The following AGBL4 variants were observed in gnomAD, a reference collection of about 807,000 sequenced individuals.
AGBL4 encodes cytosolic carboxypeptidase 6.
AGBL4 carries 58 observed loss-of-function variants against 66.4 expected under a neutral mutation model. The ratio of observed to expected loss-of-function variants is 0.87; its 90% confidence interval spans 0.71 to 1.09. The LOEUF is 1.09. Among genes scored for constraint, AGBL4 ranks in the 50% least tolerant of loss-of-function variants. The probability of loss-of-function intolerance (pLI) is 0.00; values close to 1 mark genes in which losing one functional copy is unlikely to be tolerated. For missense variants in AGBL4, 579 were observed against 631.0 expected, an observed-to-expected ratio of 0.92 and a Z score of 0.88; for synonymous variants, 234 against 222.9, an observed-to-expected ratio of 1.05 and a Z score of -0.44.
At chr1:49,775,692 A>G (rs1325943929) in intron 2 of AGBL4, among the ~76,000 whole-genome samples, 2 of 152,110 alleles carry the variant, frequency 1.3e-5, no homozygotes, top group African/African-American at 4.8e-5. Context: ...ATTCATCAAT[A>G]TATTATAGAC....
intron 1 of AGBL4, among the ~76,000 whole-genome samples, chr1:49,940,009 AAAAC>A (rs1475465072): frequency 9.2e-5 from 14 of 152,186 alleles, no homozygotes; most frequent in Non-Finnish European, 1.8e-4. Flanking sequence ...TTACAAGAAA[AAAAC>A]AAACAACCCC....
intron 3 of AGBL4, among the ~76,000 whole-genome samples, chr1:49,298,046 T>C (rs934097822): frequency 1.3e-5 from 2 of 152,178 alleles, no homozygotes. Context: ...CCTGGCATCC[T>C]GAGCCAGCCT....
At chr1:49,303,521 G>A (rs1644794102) in intron 3 of AGBL4, among the ~76,000 whole-genome samples, 2 of 151,464 alleles carry the variant, frequency 1.3e-5, no homozygotes. Flanking sequence ...GGTGTTATCT[G>A]TGCTCACTGC....
At chr1:48,717,203 CT>C (rs1647066122) in intron 6 of AGBL4, among the ~76,000 whole-genome samples, 1 of 152,156 alleles carries the variant, frequency 6.6e-6, no homozygotes, top group Admixed American at 6.5e-5. Context: ...GTCTTAAACA[CT>C]TAAAACATTA....
chr1:49,784,852 C>T (rs113623182), intron 2 of AGBL4, among the ~76,000 whole-genome samples: 243 of 151,942 alleles, frequency 1.6e-3, no homozygotes, highest in Non-Finnish European at 2.7e-3. Context: ...ATATTCAACA[C>T]AATTAGTGAT....
chr1:48,585,386 G>A (rs1021431698), intron 11 of AGBL4: 2 of 152,202 alleles, frequency 1.3e-5, no homozygotes, highest in Admixed American at 1.3e-4. Flanking sequence ...ATAATATTAT[G>A]GGAGAGCAAA....
At chr1:48,597,062 T>A (rs964662122) in intron 9 of AGBL4, among the ~76,000 whole-genome samples, 1 of 152,144 alleles carries the variant, frequency 6.6e-6, no homozygotes, top group Non-Finnish European at 1.5e-5. Flanking sequence ...AGAATGCTTA[T>A]CCTCTTCCTT....
At chr1:49,856,172 C>T (rs1311789962) in intron 1 of AGBL4, among the ~76,000 whole-genome samples, 2 of 151,812 alleles carry the variant, frequency 1.3e-5, no homozygotes, top group Non-Finnish European at 2.9e-5. Flanking sequence ...TATATATAAC[C>T]TATAAAGACT....
intron 4 of AGBL4, among the ~76,000 whole-genome samples, chr1:49,192,787 A>G (rs1460402369): frequency 6.6e-6 from 1 of 152,216 alleles, no homozygotes; most frequent in Non-Finnish European, 1.5e-5. Context: ...CAGCCCTTGT[A>G]CTATTATGAA....
At chr1:48,781,968 A>C (rs554945716) in intron 6 of AGBL4, among the ~76,000 whole-genome samples, 1 of 152,250 alleles carries the variant, frequency 6.6e-6, no homozygotes. Context: ...ACATGATCTC[A>C]ATTACTTCAC....
At chr1:49,011,051 G>C (rs1157306073) in intron 5 of AGBL4, among the ~76,000 whole-genome samples, 1 of 151,822 alleles carries the variant, frequency 6.6e-6, no homozygotes, top group South Asian at 2.1e-4. Context: ...AAACTAAAGA[G>C]CTTCTGTACA....
At chr1:50,008,570 A>G (rs1172578325) in intron 1 of AGBL4, among the ~76,000 whole-genome samples, 1 of 152,052 alleles carries the variant, frequency 6.6e-6, no homozygotes, top group African/African-American at 2.4e-5. Flanking sequence ...AAGTAGAAAA[A>G]GTTAACAACC....
At chr1:49,722,354 G>A (rs191727323) in intron 2 of AGBL4, among the ~76,000 whole-genome samples, 1 of 152,232 alleles carries the variant, frequency 6.6e-6, no homozygotes, top group Admixed American at 6.5e-5. Flanking sequence ...CTTGCTTCCA[G>A]CCTTCAGGCT....
intron 3 of AGBL4, among the ~76,000 whole-genome samples, chr1:49,365,019 A>C (rs1297455126): frequency 6.6e-6 from 1 of 152,218 alleles, no homozygotes; most frequent in Non-Finnish European, 1.5e-5. Flanking sequence ...ATAAGTATAA[A>C]TAGTCCTACT....
At chr1:49,734,022 A>G (rs1306075988) in intron 2 of AGBL4, among the ~76,000 whole-genome samples, 1 of 152,202 alleles carries the variant, frequency 6.6e-6, no homozygotes, top group Non-Finnish European at 1.5e-5. Context: ...ACTATAGAAG[A>G]GTATTAAAAT....
chr1:48,717,891 A>G (rs1439245874), intron 6 of AGBL4, among the ~76,000 whole-genome samples: 1 of 152,204 alleles, frequency 6.6e-6, no homozygotes, highest in Non-Finnish European at 1.5e-5. Flanking sequence ...CAGGAGAAAT[A>G]TAGACTATAA....
At chr1:48,992,987 G>A (rs1660727517) in intron 5 of AGBL4, among the ~76,000 whole-genome samples, 1 of 152,062 alleles carries the variant, frequency 6.6e-6, no homozygotes, top group Admixed American at 6.5e-5. Flanking sequence ...ATGTGGCCCA[G>A]CTGGTAACTA....
At chr1:48,713,555 A>G (rs1191138966) in intron 6 of AGBL4, among the ~76,000 whole-genome samples, 1 of 152,168 alleles carries the variant, frequency 6.6e-6, no homozygotes, top group African/African-American at 2.4e-5. Context: ...CTGTGAGGGC[A>G]GTTTTCCAGA....
chr1:48,881,628 G>A (rs770218436), intron 5 of AGBL4, among the ~76,000 whole-genome samples: 6 of 151,858 alleles, frequency 4.0e-5, no homozygotes, highest in East Asian at 1.9e-4. Context: ...TCTAGATAGC[G>A]TTAATATAGC....
Sources: allele counts gnomAD v4.1 joint callset (sites outside exome capture counted in the v4.1 genomes callset), GRCh38; gene constraint gnomAD v4.1.1; transcripts MANE v1.5; gene names NCBI Gene and HGNC (gene_info 2026-07-23, HGNC 2026-07-21).